Variants in EGF observed in about 807,000 individuals in gnomAD.
EGF encodes epidermal growth factor.
A neutral mutation model predicts 143.8 loss-of-function variants in EGF; 95 were observed. That is an observed-to-expected ratio of 0.66 (90% CI 0.56 to 0.78). The LOEUF is 0.78. Among genes scored for constraint, EGF ranks in the 30% least tolerant of loss-of-function variants. EGF has a pLI of 0.00. For missense variants in EGF, 1,320 were observed against 1,470.9 expected (o/e 0.90, Z 1.68); for synonymous variants, 510 against 510.5 (o/e 1.00, Z 0.01).
intron 20 of EGF, among the ~76,000 whole-genome samples, chr4:109,995,526 C>T (rs1042155093): frequency 6.6e-6 from 1 of 152,190 alleles, no homozygotes; most frequent in Non-Finnish European, 1.5e-5. Flanking sequence ...AACTATGAGA[C>T]ATTCCCACTG....
At chr4:109,960,757 A>T in intron 6 of EGF, 110 bp from the exon 7 acceptor site, 1 of 1,236,002 alleles carries the variant, frequency 8.1e-7, no homozygotes, top group Non-Finnish European at 1.2e-6. Context: ...ATGATCAATT[A>T]CAGCATATAC....
At chr4:109,974,474 A>T (rs959284611) in intron 11 of EGF, among the ~76,000 whole-genome samples, 2 of 152,210 alleles carry the variant, frequency 1.3e-5, no homozygotes, top group African/African-American at 4.8e-5. Context: ...TGGAATAAAT[A>T]TTGGGATGCT....
chr4:109,963,522 A>G (rs1006218646), intron 9 of EGF, among the ~76,000 whole-genome samples: 1 of 152,238 alleles, frequency 6.6e-6, no homozygotes, highest in Admixed American at 6.5e-5. Flanking sequence ...AAGATTTGCC[A>G]TAATATCAGA....
intron 3 of EGF, 48 bp downstream of exon 3, chr4:109,943,483 G>T (rs746520838): frequency 6.3e-7 from 1 of 1,574,944 alleles, no homozygotes; most frequent in African/African-American, 1.4e-5. Context: ...CAAATCTAGT[G>T]AAGATTGATA....
chr4:110,011,115 G>A, intron 23 of EGF, 87 bp from the exon 24 acceptor site: 1 of 1,505,544 alleles, frequency 6.6e-7, no homozygotes. Context: ...TTTCAGGCCA[G>A]TTCTTCAACC....
At chr4:109,982,935 C>A (rs898932515) in intron 15 of EGF, among the ~76,000 whole-genome samples, 1 of 152,058 alleles carries the variant, frequency 6.6e-6, no homozygotes, top group African/African-American at 2.4e-5. Context: ...GTGGGCAGTG[C>A]GAGAATCTTA....
intron 1 of EGF, among the ~76,000 whole-genome samples, chr4:109,918,439 G>C (rs1017660372): frequency 6.6e-6 from 1 of 152,126 alleles, no homozygotes; most frequent in Non-Finnish European, 1.5e-5. Context: ...AAGTCCTGTG[G>C]CTTGCTGGGC....
At chr4:110,003,739 G>A (rs570940430) in intron 21 of EGF, among the ~76,000 whole-genome samples, 3 of 147,742 alleles carry the variant, frequency 2.0e-5, no homozygotes, top group East Asian at 2.0e-4. Flanking sequence ...TAGACTTAGC[G>A]TTGAATGTCA....
rs145894060 is a variant in EGF, at chr4:109,940,882, G to A, written c.128-64G>A. ...TGCTTGTGTTGGTTGTCATTGGGAA[G>A]TATTTTGTTTAAATGAGATAAAATA... is the stretch of plus-strand genomic sequence containing the variant. On this transcript the variant is annotated intron_variant, in intron 1 of 23. Coordinates refer to ENST00000265171, the MANE Select transcript of EGF (RefSeq NM_001963.6). 1.2e-4 allele frequency: 176 copies of A among 1,471,772 alleles called. No individual in the cohort carries two copies. In the East Asian group the frequency reaches 3.8e-3, roughly 32 times the overall value. The allele number at this position is 1,471,772 out of a possible 1,614,324, so 91.2% of individuals were successfully genotyped here. A position where few individuals can be genotyped will look rare whatever the true frequency, so the allele number is the denominator to read the frequency against.
In EGF at chr4:109,919,299, C is replaced by G. The variant is rs1389576358; in HGVS notation, c.127+5837C>G. 1.7e-3 allele frequency among the ~76,000 whole-genome samples: 212 copies of G among 121,486 alleles called. 1 individual carries two copies. Among genetic ancestry groups the G allele is most frequent in the African/African-American group, 5.5e-3 (175 of 31,732 alleles). 79.7% of individuals were successfully genotyped at this position (121,486 alleles called of 152,430 possible). ...TGCATGCTTCTCTGTCTCTCTCTCT[C>G]TCTCTCTCTCTCTCTCTCTCTCTCT... On this transcript the variant is annotated intron_variant, in intron 1 of 23. Transcript: ENST00000265171.
At chr4:109,926,455 C>T (rs1738681448) in intron 1 of EGF, among the ~76,000 whole-genome samples, 1 of 151,498 alleles carries the variant, frequency 6.6e-6, no homozygotes, top group African/African-American at 2.4e-5. Context: ...CTCGGGTTCA[C>T]GCCATTCTCC....
At chr4:109,947,128 T>G (rs1429042906) in intron 5 of EGF, among the ~76,000 whole-genome samples, 1 of 147,952 alleles carries the variant, frequency 6.8e-6, no homozygotes, top group Non-Finnish European at 1.5e-5. Flanking sequence ...CAAATTAAAA[T>G]TAAAAAAAAA....
At chr4:109,992,996 A>C (rs1328141710) in intron 18 of EGF, among the ~76,000 whole-genome samples, 1 of 148,552 alleles carries the variant, frequency 6.7e-6, no homozygotes, top group Non-Finnish European at 1.5e-5. Flanking sequence ...CACCTAAAAT[A>C]AATGACGAGT....
At chr4:109,977,722 C>G (rs1352246515) in intron 13 of EGF, among the ~76,000 whole-genome samples, 3 of 152,132 alleles carry the variant, frequency 2.0e-5, no homozygotes, top group Non-Finnish European at 2.9e-5. Flanking sequence ...CCTGTAATCC[C>G]TCTGCCACTC....
intron 22 of EGF, among the ~76,000 whole-genome samples, chr4:110,005,648 G>A (rs149644482): frequency 2.2e-4 from 34 of 152,320 alleles, no homozygotes; most frequent in Non-Finnish European, 4.1e-4. Flanking sequence ...TGGAACACTA[G>A]AGGGCAGTCT....
intron 23 of EGF, among the ~76,000 whole-genome samples, chr4:110,009,280 T>G (rs1753706659): frequency 6.6e-6 from 1 of 152,198 alleles, no homozygotes; most frequent in Non-Finnish European, 1.5e-5. Flanking sequence ...GATCATTACT[T>G]TCCCCTGATA....
chr4:110,006,489 A>G (rs1212713766), intron 22 of EGF, among the ~76,000 whole-genome samples: 1 of 152,192 alleles, frequency 6.6e-6, no homozygotes, highest in Non-Finnish European at 1.5e-5. Context: ...AGATCCCTTC[A>G]GTCTTTATCA....
At position 109,961,931 on chromosome 4, in the gene EGF, T is replaced by G. The variant is rs368476089; in HGVS notation, c.1258T>G (p.Leu420Val). ...HDCVLTSEGP[L>V]CFCPEGSVLE... ...CTGTGTTCTGACATCAGAAGGTCCC[T>G]TATGTTTCTGTCCTGAAGGCTCAGT... The change falls in exon 8 of 24, where the codon TTA (leucine) becomes GTA (valine). Residue 420 changes from leucine to valine, a missense_variant. By Grantham distance (32) the Leu-to-Val change is conservative. Around this residue, in one of 5 missense-constraint regions of EGF, gnomAD observed 1,186 missense variants for 1,313.7 expected, o/e 0.90. Coordinates refer to ENST00000265171, the MANE Select transcript of EGF (RefSeq NM_001963.6). The G allele has an allele frequency of 3.7e-6, 6 of 1,613,850 alleles. No individual in the cohort carries two copies.
At chr4:109,974,614 C>A in intron 11 of EGF, 89 bp from the exon 12 acceptor site, 8 of 970,894 alleles carry the variant, frequency 8.2e-6, no homozygotes, top group Non-Finnish European at 1.3e-5. Flanking sequence ...GAATGCCTAT[C>A]TTTGCATTTC....
Sources: gnomAD v4.1 joint callset for allele counts (sites outside exome capture counted in the v4.1 genomes callset) on GRCh38, gnomAD v4.1.1 for gene constraint, gnomAD v4.1.1 regional missense constraint, MANE v1.5 for transcripts, NCBI Gene and HGNC (gene_info 2026-07-23, HGNC 2026-07-21) for gene names.